The following NPHP4 variants were observed in gnomAD, a reference collection of about 807,000 sequenced individuals.
The protein encoded by NPHP4 is nephrocystin 4, also known as nephrocystin-4.
In NPHP4, 151 loss-of-function variants were observed where a neutral mutation model predicts 155.8. That is an observed-to-expected ratio of 0.97 (90% confidence interval 0.85 to 1.11). The LOEUF (loss-of-function observed/expected upper bound fraction) is 1.11. NPHP4 is among the 50% of genes least tolerant of loss of function. The probability of loss-of-function intolerance (pLI) is 0.00; values close to 1 mark genes in which losing one functional copy is unlikely to be tolerated. For missense variants in NPHP4, 1,956 were observed against 1,925.7 expected (o/e 1.02, Z -0.29); for synonymous variants, 845 against 816.8 (o/e 1.03, Z -0.59).
chr1:5,967,243 C>A, intron 5 of NPHP4, 56 bp downstream of exon 5: 1 of 1,317,082 alleles, frequency 7.6e-7, no homozygotes, highest in Non-Finnish European at 1.1e-6. Context: ...AGGTGGGGAA[C>A]ACTCAGGGAA....
At chr1:5,896,337 C>A (rs188372321) in intron 16 of NPHP4, among the ~76,000 whole-genome samples, 1 of 152,270 alleles carries the variant, frequency 6.6e-6, no homozygotes, top group South Asian at 2.1e-4. Flanking sequence ...ATGAATCATA[C>A]TGAATATCAA....
chr1:5,945,004 C>T (rs1236438112), intron 9 of NPHP4, among the ~76,000 whole-genome samples: 1 of 152,150 alleles, frequency 6.6e-6, no homozygotes, highest in Non-Finnish European at 1.5e-5. Context: ...TAGCCTCACC[C>T]GCACCCGCAC....
chr1:5,874,329 A>G, intron 22 of NPHP4, 142 bp downstream of exon 22: 1 of 774,150 alleles, frequency 1.3e-6, no homozygotes, highest in Non-Finnish European at 2.0e-6. Context: ...GCTCTTGTTG[A>G]GCACCAAGGG....
At chr1:5,977,992 A>G (rs1444471194) in intron 3 of NPHP4, among the ~76,000 whole-genome samples, 1 of 150,262 alleles carries the variant, frequency 6.7e-6, no homozygotes, top group Non-Finnish European at 1.5e-5. Flanking sequence ...CAAGAACTCC[A>G]AGATTCCTTG....
chr1:5,967,751 C>T (rs988562107), intron 4 of NPHP4, among the ~76,000 whole-genome samples: 3 of 152,260 alleles, frequency 2.0e-5, no homozygotes, highest in African/African-American at 7.2e-5. Flanking sequence ...TGTCTGGAGA[C>T]ATTTTTTTTC....
chr1:5,863,703 T>C lies in NPHP4; in HGVS notation c.4140+187A>G, dbSNP rs1001052062. ...CCCTTTCCCACACTCAGGAGAAACTTTGCTAAATCTCCAGCTACTAAAGAT... is the reference window on the plus strand; with the variant it reads ...CCCTTTCCCACACTCAGGAGAAACTCTGCTAAATCTCCAGCTACTAAAGAT... On this transcript the variant is annotated intron_variant, in intron 29 of 29. Coordinates refer to ENST00000378156, the MANE Select transcript of NPHP4 (RefSeq NM_015102.5). 4 of 659,166 alleles carry C rather than the reference T, an allele frequency of 6.1e-6. No individual in the cohort carries two copies. In the Admixed American group the frequency reaches 7.6e-5, roughly 13 times the overall value. The allele number at this position is 659,166 out of a possible 1,614,324, so 40.8% of individuals were successfully genotyped here. A position where few individuals can be genotyped will look rare whatever the true frequency, so the allele number is the denominator to read the frequency against.
rs537859714 is a variant in NPHP4, at chr1:5,864,481, C to G, written c.3853G>C (p.Gly1285Arg). Residue 1285 changes from glycine (G) to arginine (R), a missense_variant, in exon 28 of 30, where the codon GGG (glycine) becomes CGG (arginine). By Grantham distance (125) the Gly-to-Arg change is moderately radical. Coordinates refer to ENST00000378156, the MANE Select transcript of NPHP4 (RefSeq NM_015102.5). ...PKGVFVLPPR[G>R]VQDLHVGVRP... ...ACGCCAACATGCAGGTCCTGCACCC[C>G]ACGAGGCGGCAGCACGAAGACACCT... The G allele has an allele frequency of 1.4e-5, 23 of 1,595,996 alleles. 1 individual carries two copies. The Middle Eastern group carries it at 3.3e-3, about 230-fold the overall frequency.
Position 5,863,028 on chromosome 1 carries a change from C to A in NPHP4, c.*237G>T. The A allele has an allele frequency of 1.8e-6, 1 of 567,962 alleles. No individual in the cohort carries two copies. Among genetic ancestry groups the A allele is most frequent in the Non-Finnish European group, 3.2e-6 (1 of 315,494 alleles). The allele number at this position is 567,962 out of a possible 1,614,324, so 35.2% of individuals were successfully genotyped here. A position where few individuals can be genotyped will look rare whatever the true frequency, so the allele number is the denominator to read the frequency against. On this transcript the variant is annotated 3_prime_UTR_variant, in exon 30 of 30. Transcript: ENST00000378156. ...GCAGCACCAGAGCCAGACCCACCAC[C>A]ACGGAGTTCGCGCTCACGGAACCCA...
intron 16 of NPHP4, among the ~76,000 whole-genome samples, chr1:5,901,127 C>T (rs144626407): frequency 0.011 from 1,630 of 152,148 alleles, 28 homozygotes; most frequent in African/African-American, 0.037. Flanking sequence ...GGAGGTCCTA[C>T]GGGAACTCTC....
Position 5,904,748 on chromosome 1 carries a change from T to G in NPHP4, c.2012A>C (p.Gln671Pro). 2 of 1,613,960 alleles carry G rather than the reference T, an allele frequency of 1.2e-6. No homozygotes were observed. Among genetic ancestry groups the G allele is most frequent in the Non-Finnish European group, 1.7e-6 (2 of 1,179,886 alleles). ...SWPKTVYFTF[Q>P]FYRFPPATTP... is the part of the protein sequence containing the mutation. The stretch of plus-strand genomic sequence containing the variant: ...CGTTGCGGGTGGGAAGCGGTAGAAC[T>G]GGAAGGTGAAATACACAGTCTTTGG... The change falls in exon 16 of 30, where the codon CAG becomes CCG. Residue 671 changes from glutamine (Q) to proline (P), a missense_variant. Physicochemically the swap from Gln to Pro is moderately conservative, Grantham distance 76. Coordinates refer to ENST00000378156, the MANE Select transcript of NPHP4 (RefSeq NM_015102.5).
chr1:5,894,449 CAAAAA>C (rs34608472), intron 16 of NPHP4, among the ~76,000 whole-genome samples: 2 of 103,130 alleles, frequency 1.9e-5, no homozygotes, highest in Non-Finnish European at 3.9e-5. Flanking sequence ...GACCCAGTCT[CAAAAA>C]AAAAAAAAAA....
At chr1:5,967,886 G>A (rs567428089) in intron 4 of NPHP4, among the ~76,000 whole-genome samples, 2 of 151,972 alleles carry the variant, frequency 1.3e-5, no homozygotes, top group Admixed American at 6.6e-5. Flanking sequence ...TTATCCATTC[G>A]CAAGTCAGTG....
At chr1:5,880,889 T>C (rs2100747786) in intron 18 of NPHP4, 1 of 153,012 alleles carries the variant, frequency 6.5e-6, no homozygotes, top group African/African-American at 2.4e-5. Context: ...TGGCCTTTAC[T>C]TCCCCAAGGG....
chr1:5,913,565 G>A (rs1019840662), intron 11 of NPHP4, among the ~76,000 whole-genome samples: 1 of 152,204 alleles, frequency 6.6e-6, no homozygotes, highest in Non-Finnish European at 1.5e-5. Flanking sequence ...GCCTCAGGAG[G>A]CAAGGCAGGG....
In NPHP4 at chr1:5,944,678, A is replaced by G. The variant is rs921897525; in HGVS notation, c.1119+2426T>C. Among the ~76,000 whole-genome samples the G allele has an allele frequency of 7.9e-5, 12 of 152,248 alleles. No homozygotes were observed. On this transcript the variant is annotated intron_variant, in intron 9 of 29. Coordinates refer to ENST00000378156, the MANE Select transcript of NPHP4 (RefSeq NM_015102.5). This position sits in a 1 kb window ranked among gnomAD's most constrained non-coding sequence, Gnocchi z 4.3. Reference sequence around the variant, plus strand: ...ACAATCGACCAGCACATCGGAAAGTACCAATGACTGGCCGGGCGCGGTGGT... The same window carrying G: ...ACAATCGACCAGCACATCGGAAAGTGCCAATGACTGGCCGGGCGCGGTGGT...
At chr1:5,935,961 C>T (rs1161456259) in intron 9 of NPHP4, among the ~76,000 whole-genome samples, 1 of 152,130 alleles carries the variant, frequency 6.6e-6, no homozygotes, top group Non-Finnish European at 1.5e-5. Flanking sequence ...CTTTTGTAAA[C>T]AGTTATCATT....
At chr1:5,877,066 G>A (rs374188605) in intron 20 of NPHP4, 27 bp downstream of exon 20, 24 of 1,449,500 alleles carry the variant, frequency 1.7e-5, no homozygotes, top group Non-Finnish European at 2.2e-5. Flanking sequence ...GAGATCCCAG[G>A]ACAGTGACAG....
intron 5 of NPHP4, 108 bp downstream of exon 5, chr1:5,967,191 C>T (rs1312263569): frequency 3.6e-6 from 3 of 840,800 alleles, no homozygotes; most frequent in African/African-American, 1.7e-5. Context: ...ATTAGCTAAG[C>T]AGATAGCAGT....
At chr1:5,923,098 CAA>C (rs1308693407) in intron 11 of NPHP4, among the ~76,000 whole-genome samples, 1 of 152,148 alleles carries the variant, frequency 6.6e-6, no homozygotes, top group Non-Finnish European at 1.5e-5. Context: ...AGCCAAGACT[CAA>C]AAGTCCGGAA....
Sources: allele counts gnomAD v4.1 joint callset (sites outside exome capture counted in the v4.1 genomes callset), GRCh38; gene constraint gnomAD v4.1.1; non-coding constraint Gnocchi (gnomAD v3.1); transcripts MANE v1.5; gene names NCBI Gene and HGNC (gene_info 2026-07-23, HGNC 2026-07-21).